SYT9: variants seen among roughly 807,000 people sequenced by gnomAD.
The protein encoded by SYT9 is synaptotagmin-9.
Under a neutral mutation model 48.4 loss-of-function variants are expected in SYT9, and 22 were observed. The ratio of observed to expected loss-of-function variants is 0.45; its 90% CI spans 0.32 to 0.65. The LOEUF is 0.65. Ranked by LOEUF, SYT9 falls within the 30% of genes least tolerant of loss-of-function variation. The probability of loss-of-function intolerance (pLI) is 0.03; values close to 1 mark genes in which losing one functional copy is unlikely to be tolerated. For synonymous variants in SYT9, 265 were observed against 245.0 expected, an observed-to-expected ratio of 1.08 and a Z score of -0.76; for missense variants, 577 against 622.0, an observed-to-expected ratio of 0.93 and a Z score of 0.77.
intron 1 of SYT9, among the ~76,000 whole-genome samples, chr11:7,281,251 A>C (rs1848487637): frequency 6.6e-6 from 1 of 152,270 alleles, no homozygotes; most frequent in South Asian, 2.1e-4. Flanking sequence ...CATCACAATG[A>C]GAGGAATTCC....
At chr11:7,292,119 T>C (rs540850450) in intron 1 of SYT9, among the ~76,000 whole-genome samples, 17 of 152,286 alleles carry the variant, frequency 1.1e-4, no homozygotes, top group Admixed American at 5.2e-4. Context: ...GAAGAAACTT[T>C]CCCACATTAT....
At chr11:7,434,718 GTTGTCA>G (rs1485296937) in intron 6 of SYT9, among the ~76,000 whole-genome samples, 2 of 152,118 alleles carry the variant, frequency 1.3e-5, no homozygotes, top group African/African-American at 4.8e-5. Flanking sequence ...AAGGCATGAT[GTTGTCA>G]ATATTTATTA....
chr11:7,456,996 A>G (rs1848159384), intron 6 of SYT9: 1 of 152,188 alleles, frequency 6.6e-6, no homozygotes, highest in Non-Finnish European at 1.5e-5. Context: ...CCACTTAAAA[A>G]TCCTTCAATA....
At chr11:7,411,925 CT>C (rs2134090551) in intron 3 of SYT9, among the ~76,000 whole-genome samples, 1 of 152,146 alleles carries the variant, frequency 6.6e-6, no homozygotes, top group East Asian at 1.9e-4. Flanking sequence ...TTTTGTCTGA[CT>C]GGATTATTTC....
intron 2 of SYT9, among the ~76,000 whole-genome samples, chr11:7,306,713 C>T (rs1167273389): frequency 3.3e-5 from 5 of 152,160 alleles, no homozygotes; most frequent in Admixed American, 1.3e-4. Flanking sequence ...AAGTTCTCCC[C>T]GGCCACTCCA....
intron 3 of SYT9, among the ~76,000 whole-genome samples, chr11:7,344,769 G>T (rs930399302): frequency 1.3e-5 from 2 of 152,016 alleles, no homozygotes; most frequent in African/African-American, 4.8e-5. Context: ...CGCTCTATTT[G>T]TCTAGCTTTA....
intron 3 of SYT9, among the ~76,000 whole-genome samples, chr11:7,415,050 T>G (rs578046074): frequency 6.6e-6 from 1 of 152,312 alleles, no homozygotes; most frequent in Admixed American, 6.5e-5. Context: ...GAATTGTGTC[T>G]TCTGACCTAT....
At chr11:7,239,026 C>T (rs1414900723) in intron 1 of SYT9, 1 of 439,722 alleles carries the variant, frequency 2.3e-6, no homozygotes, top group Non-Finnish European at 4.6e-6. Flanking sequence ...TGTCTGCTGA[C>T]AGAACATGGA....
chr11:7,452,492 T>A (rs1436646708), intron 6 of SYT9, among the ~76,000 whole-genome samples: 1 of 152,188 alleles, frequency 6.6e-6, no homozygotes, highest in Non-Finnish European at 1.5e-5. Flanking sequence ...AAGTTCTAAT[T>A]TTTGACAAAG....
intron 1 of SYT9, among the ~76,000 whole-genome samples, chr11:7,261,892 A>G (rs180862927): frequency 6.6e-6 from 1 of 152,318 alleles, no homozygotes; most frequent in East Asian, 1.9e-4. Context: ...CCATTTTAAA[A>G]AAGTGACTTT....
At chr11:7,285,139 G>C (rs10769774) in intron 1 of SYT9, among the ~76,000 whole-genome samples, 118,826 of 152,044 alleles carry the variant, frequency 0.78, 47,036 homozygotes, top group South Asian at 0.88. Context: ...AGCTAAAGAT[G>C]AGGCAGGATT....
intron 3 of SYT9, among the ~76,000 whole-genome samples, chr11:7,366,958 G>A (rs1312210202): frequency 6.6e-6 from 1 of 150,388 alleles, no homozygotes; most frequent in African/African-American, 2.4e-5. Flanking sequence ...GTAAACTTAT[G>A]ACTTATAGAT....
rs78007686 is a variant in SYT9 at position 7,332,046 on chromosome 11, A to G, written c.1044+18105A>G. On this transcript the variant is annotated intron_variant, in intron 3 of 6. Transcript: ENST00000318881. ...TGAATCTTAATTTGGAATTCCTGGA[A>G]GCAGAAGCTGAGAGGGATTCTCGTG... is the stretch of plus-strand genomic sequence containing the variant. Among the ~76,000 whole-genome samples, 966 of 152,328 alleles carry G rather than the reference A, an allele frequency of 6.3e-3. 5 individuals carry two copies. The highest frequency in any genetic ancestry group is 0.022 in the African/African-American group (905 of 41,582).
chr11:7,456,274 T>G (rs934781351), intron 6 of SYT9, among the ~76,000 whole-genome samples: 2 of 152,222 alleles, frequency 1.3e-5, no homozygotes, highest in African/African-American at 4.8e-5. Flanking sequence ...TGCTCTCTGA[T>G]CATGGAGAAG....
At chr11:7,453,512 C>T (rs937113705) in intron 6 of SYT9, among the ~76,000 whole-genome samples, 5 of 152,124 alleles carry the variant, frequency 3.3e-5, no homozygotes, top group African/African-American at 4.8e-5. Flanking sequence ...ACCCCTGTGC[C>T]GTGGAGGTTG....
rs1448649579 is a variant in SYT9 at position 7,252,181 on chromosome 11, G to A, written c.-6G>A. 3 of 1,442,798 alleles carry A rather than the reference G, an allele frequency of 2.1e-6. No homozygotes were observed. Among genetic ancestry groups the A allele is most frequent in the African/African-American group, 3.0e-5 (2 of 67,484 alleles). The allele number at this position is 1,442,798 out of a possible 1,614,324, so 89.4% of individuals were successfully genotyped here. A position where few individuals can be genotyped will look rare whatever the true frequency, so the allele number is the denominator to read the frequency against. On this transcript the variant is annotated 5_prime_UTR_variant, in exon 1 of 7. Coordinates refer to ENST00000318881, the MANE Select transcript of SYT9 (RefSeq NM_175733.4). This position sits in a 1 kb window ranked among gnomAD's most constrained non-coding sequence, Gnocchi z 6.3. ...GCCCGGCGCGGTCCGAGGATGCGGG[G>A]GGGCGATGCCCGGGGCCAGGGACGC...
chr11:7,242,256 C>G (rs900567400), intron 1 of SYT9, among the ~76,000 whole-genome samples: 4 of 152,148 alleles, frequency 2.6e-5, no homozygotes, highest in Non-Finnish European at 2.9e-5. Context: ...AGGCATAAGG[C>G]CAGTGCTGCC....
chr11:7,305,822 T>A (rs61889386), intron 2 of SYT9, among the ~76,000 whole-genome samples: 22,846 of 152,122 alleles, frequency 0.15, 1,962 homozygotes, highest in South Asian at 0.25. Flanking sequence ...CAGCCTCCAT[T>A]TAAAGGTGTC....
At position 7,342,491 on chromosome 11, in the gene SYT9, CTGTCTCATATCCA is replaced by C. The variant is rs545541137; in HGVS notation, c.1044+28564_1044+28576del. Among the ~76,000 whole-genome samples the C allele has an allele frequency of 4.1e-4, 63 of 152,332 alleles. No homozygotes were observed. In the East Asian group the frequency reaches 7.0e-3, roughly 17 times the overall value. Reference sequence around the variant, plus strand: ...AATCTTAAAGCTCCAATATGATATCCTGTCTCATATCCATGTCTCATATCCAGGTCACACTAAT... The same window carrying C: ...AATCTTAAAGCTCCAATATGATATCCTGTCTCATATCCAGGTCACACTAAT... On this transcript the variant is annotated intron_variant, in intron 3 of 6. Transcript: ENST00000318881.
Sources: allele counts gnomAD v4.1 joint callset (sites outside exome capture counted in the v4.1 genomes callset), GRCh38; gene constraint gnomAD v4.1.1; non-coding constraint Gnocchi (gnomAD v3.1); transcripts MANE v1.5; gene names NCBI Gene and HGNC (gene_info 2026-07-23, HGNC 2026-07-21).